The following HM13 variants were observed in gnomAD, a reference collection of about 807,000 sequenced individuals.
HM13 encodes histocompatibility minor 13, also known as signal peptide peptidase.
In HM13, 18 loss-of-function variants were observed where a neutral mutation model predicts 50.0. The ratio of observed to expected loss-of-function variants is 0.36; its 90% CI spans 0.25 to 0.53. HM13 has a LOEUF of 0.53. HM13 is among the 20% of genes least tolerant of loss of function. The pLI, the probability that HM13 is intolerant of heterozygous loss-of-function variation, is 0.90. For synonymous variants in HM13, 197 were observed against 232.6 expected (o/e 0.85, Z 1.39); for missense variants, 393 against 552.4 (o/e 0.71, Z 2.89).
At chr20:31,549,441 G>A (rs1983906016) in intron 6 of HM13, 109 bp downstream of exon 6, 2 of 1,457,884 alleles carry the variant, frequency 1.4e-6, no homozygotes, top group East Asian at 2.3e-5. Context: ...AGCTGTTTTG[G>A]GCTGAAGTTC....
intron 12 of HM13, among the ~76,000 whole-genome samples, chr20:31,568,459 T>C (rs1985061329): frequency 6.6e-6 from 1 of 152,356 alleles, no homozygotes; most frequent in East Asian, 1.9e-4. Context: ...TCATAGTGGA[T>C]GGAAATGGCC....
chr20:31,515,028 G>A (rs886143115), intron 1 of HM13, among the ~76,000 whole-genome samples: 10 of 152,156 alleles, frequency 6.6e-5, no homozygotes, highest in Non-Finnish European at 1.0e-4. Flanking sequence ...TGGGAACGCT[G>A]TCAGCCCGTC....
At chr20:31,550,681 A>C (rs1052225739) in intron 7 of HM13, among the ~76,000 whole-genome samples, 2 of 152,242 alleles carry the variant, frequency 1.3e-5, no homozygotes, top group African/African-American at 4.8e-5. Flanking sequence ...GACTTAACAC[A>C]TGTGAACTGT....
chr20:31,529,874 G>A (rs1367313251), intron 2 of HM13, among the ~76,000 whole-genome samples: 1 of 152,174 alleles, frequency 6.6e-6, no homozygotes. Flanking sequence ...GTCTGAGGCA[G>A]GGGAATCGCT....
chr20:31,568,269 C>T, intron 12 of HM13, 45 bp downstream of exon 12: 1 of 1,600,510 alleles, frequency 6.2e-7, no homozygotes, highest in Non-Finnish European at 8.5e-7. Flanking sequence ...CCCTACTGCC[C>T]CGGGGCCCAA....
At chr20:31,539,491 C>T in intron 3 of HM13, 1 of 985,412 alleles carries the variant, frequency 1.0e-6, no homozygotes, top group African/African-American at 1.7e-5. Context: ...GAATCTGCTC[C>T]CAAAAGCATT....
At chr20:31,566,374 C>A (rs1258064977) in intron 11 of HM13, 79 bp downstream of exon 11, 14 of 1,113,768 alleles carry the variant, frequency 1.3e-5, no homozygotes, top group Non-Finnish European at 1.9e-5. Context: ...CTGGGGGTAT[C>A]TTTACACCTC....
At position 31,549,053 on chromosome 20, in the gene HM13, C is replaced by A. The variant is rs1568792903; in HGVS notation, c.479C>A (p.Thr160Asn). 6.2e-7 allele frequency: 1 copy of A among 1,614,034 alleles called. No individual in the cohort carries two copies. Among genetic ancestry groups the A allele is most frequent in the Non-Finnish European group, 8.5e-7 (1 of 1,180,038 alleles). The change falls in exon 5 of 13, where the codon ACC (threonine) becomes AAC (asparagine). Residue 160 changes from threonine to asparagine, a missense_variant. By Grantham distance (65) the Thr-to-Asn change is moderately conservative (BLOSUM62 0). Around this residue, in one of 3 missense-constraint regions of HM13, gnomAD observed 214 missense variants for 276.1 expected, o/e 0.77. Transcript: ENST00000398174. Reference protein sequence around the residue: ...KEEIINYEFDTKDLVCLGLSS... With the variant: ...KEEIINYEFDNKDLVCLGLSS... ...GAGATCATCAATTATGAATTTGACA[C>A]CAAGGACCTGGTGTGCCTGGGCCTG...
chr20:31,527,127 G>A (rs955430079), intron 1 of HM13, among the ~76,000 whole-genome samples: 5 of 152,134 alleles, frequency 3.3e-5, no homozygotes, highest in Admixed American at 6.6e-5. Flanking sequence ...GATCACTTGA[G>A]GTCAGTTCGA....
At chr20:31,518,481 AC>A (rs1981939971) in intron 1 of HM13, among the ~76,000 whole-genome samples, 1 of 150,940 alleles carries the variant, frequency 6.6e-6, no homozygotes, top group African/African-American at 2.4e-5. Flanking sequence ...CCCCATCTCT[AC>A]TAAAAATACA....
intron 11 of HM13, among the ~76,000 whole-genome samples, chr20:31,566,916 C>T (rs1291640319): frequency 2.0e-5 from 3 of 152,134 alleles, no homozygotes; most frequent in Admixed American, 6.5e-5. Flanking sequence ...CCAGCACTGC[C>T]GACCCTGCCT....
At chr20:31,548,143 C>T (rs1568792365) in intron 4 of HM13, 2 of 840,910 alleles carry the variant, frequency 2.4e-6, no homozygotes, top group Non-Finnish European at 4.0e-6. Context: ...AATACAATGC[C>T]TCTGTGGTTA....
chr20:31,547,703 A>G, intron 4 of HM13: 1 of 1,328,326 alleles, frequency 7.5e-7, no homozygotes, highest in Non-Finnish European at 1.1e-6. Flanking sequence ...GTAAGTGGGG[A>G]ATTATTGTTT....
intron 1 of HM13, among the ~76,000 whole-genome samples, chr20:31,518,648 AAAT>A (rs929331331): frequency 4.0e-5 from 6 of 151,396 alleles, no homozygotes; most frequent in African/African-American, 7.3e-5. Flanking sequence ...TCCATCTCAA[AAAT>A]AATAATAATA....
chr20:31,524,247 TA>T (rs960100852), intron 1 of HM13, among the ~76,000 whole-genome samples: 12 of 147,818 alleles, frequency 8.1e-5, no homozygotes, highest in African/African-American at 2.2e-4. Context: ...CACTTTTCTT[TA>T]AAAAAAAAAG....
chr20:31,551,401 G>C (rs1984026938), intron 7 of HM13, among the ~76,000 whole-genome samples: 2 of 152,186 alleles, frequency 1.3e-5, no homozygotes, highest in Non-Finnish European at 2.9e-5. Context: ...TCCTCACATA[G>C]CTGTGTCCAG....
At chr20:31,526,635 TC>T (rs1247063700) in intron 1 of HM13, among the ~76,000 whole-genome samples, 4 of 152,244 alleles carry the variant, frequency 2.6e-5, no homozygotes, top group African/African-American at 9.6e-5. Context: ...AACTATAGCA[TC>T]TGCCATTATA....
Position 31,569,384 on chromosome 20 carries a change from C to T in HM13, c.*165C>T. 1.9e-6 allele frequency: 1 copy of T among 512,906 alleles called. No homozygotes were observed. Among genetic ancestry groups the T allele is most frequent in the African/African-American group, 1.9e-5 (1 of 51,874 alleles). The allele number at this position is 512,906 out of a possible 1,614,324, so 31.8% of individuals were successfully genotyped here. ...GCCTCTGTGGCCTCTGTTTCCTTCT[C>T]CCTTTCTTGGCCCTCCTCTGCTCCT... is the stretch of plus-strand genomic sequence containing the variant. On this transcript the variant is annotated 3_prime_UTR_variant, in exon 13 of 13. Coordinates refer to ENST00000398174, the MANE Select transcript of HM13 (RefSeq NM_178581.3).
intron 8 of HM13, among the ~76,000 whole-genome samples, chr20:31,557,759 G>T (rs965097375): frequency 7.2e-6 from 1 of 139,020 alleles, no homozygotes; most frequent in Admixed American, 8.0e-5. Context: ...TGCCCAGGCA[G>T]TGCAATGGCA....
Sources: allele counts gnomAD v4.1 joint callset (sites outside exome capture counted in the v4.1 genomes callset), GRCh38; gene constraint gnomAD v4.1.1; regional missense constraint gnomAD v4.1.1; transcripts MANE v1.5; gene names NCBI Gene and HGNC (gene_info 2026-07-23, HGNC 2026-07-21).